The following SNRNP200 variants were observed in gnomAD, a reference collection of about 807,000 sequenced individuals.
The protein encoded by SNRNP200 is U5 small nuclear ribonucleoprotein 200 kDa helicase.
A neutral mutation model predicts 255.2 loss-of-function variants in SNRNP200; 66 were observed. The ratio of observed to expected loss-of-function variants is 0.26; its 90% CI spans 0.21 to 0.32. The LOEUF is 0.32. Ranked by LOEUF, SNRNP200 falls within the 10% of genes least tolerant of loss-of-function variation. The pLI is 1.00. For missense variants in SNRNP200, 1,585 were observed against 2,749.8 expected (o/e 0.58, Z 9.47); for synonymous variants, 939 against 1,027.8 (o/e 0.91, Z 1.65).
rs1363821623 is a variant in SNRNP200, at chr2:96,293,039, A to G, written c.2093T>C (p.Ile698Thr). The G allele has an allele frequency of 6.2e-7, 1 of 1,614,054 alleles. No individual in the cohort carries two copies. Residue 698 changes from isoleucine to threonine, a missense_variant, in exon 16 of 45, where the codon ATC (isoleucine) becomes ACC (threonine). Ile to Thr is a moderately conservative substitution (Grantham distance 89, BLOSUM62 -1). Around this residue, in one of 9 missense-constraint regions of SNRNP200, gnomAD observed 140 missense variants for 274.9 expected, o/e 0.51. Transcript: ENST00000323853. ...TTCATTCATGATCTGGAAACGCTTG[A>G]TAGCTTTTTTCTCTGTGATACCCAC... The part of the protein sequence containing the change: ...TYVGITEKKA[I>T]KRFQIMNEIV...
At position 96,287,787 on chromosome 2, in the gene SNRNP200, T is replaced by C; in HGVS notation, c.3365+76A>G. The C allele has an allele frequency of 7.8e-7, 1 of 1,273,918 alleles. No individual in the cohort carries two copies. Among genetic ancestry groups the C allele is most frequent in the African/African-American group, 1.5e-5 (1 of 68,210 alleles). 78.9% of individuals were successfully genotyped at this position (1,273,918 alleles called of 1,614,324 possible). On this transcript the variant is annotated intron_variant, in intron 25 of 44. Coordinates refer to ENST00000323853, the MANE Select transcript of SNRNP200 (RefSeq NM_014014.5). The surrounding 1 kb of genome is among the most constrained non-coding windows in gnomAD (Gnocchi z 5.7). ...TCAGGTCTGGAGATCAGATGCACCC[T>C]GAGGCTTTCCCATCAGACCCTTGGG... is the stretch of plus-strand genomic sequence containing the variant.
chr2:96,280,916 G>A (rs1475644060), intron 35 of SNRNP200, among the ~76,000 whole-genome samples: 6 of 134,528 alleles, frequency 4.5e-5, no homozygotes, highest in Non-Finnish European at 6.3e-5. Context: ...GCAATGGCGC[G>A]ATCTTGGCTC....
At position 96,287,245 on chromosome 2, in the gene SNRNP200, G is replaced by C. The variant is rs2063849823; in HGVS notation, c.3485-85C>G. Reference sequence around the variant, plus strand: ...GGCCTGAGGGCCACTGTGGGAAAGGGGTAGGGTCTTCCCTTTATGGTCAGT... The same window carrying C: ...GGCCTGAGGGCCACTGTGGGAAAGGCGTAGGGTCTTCCCTTTATGGTCAGT... On this transcript the variant is annotated intron_variant, in intron 26 of 44. Transcript: ENST00000323853. This position sits in a 1 kb window ranked among gnomAD's most constrained non-coding sequence, Gnocchi z 5.7. 4 of 1,532,626 alleles carry C rather than the reference G, an allele frequency of 2.6e-6. No homozygotes were observed. The Middle Eastern group carries it at 5.5e-4, about 211-fold the overall frequency. 94.9% of individuals were successfully genotyped at this position (1,532,626 alleles called of 1,614,324 possible). A position where few individuals can be genotyped will look rare whatever the true frequency, so the allele number is the denominator to read the frequency against.
Position 96,297,268 on chromosome 2 carries a change from A to C in SNRNP200, c.1377+95T>G. On this transcript the variant is annotated intron_variant, in intron 11 of 44. Coordinates refer to ENST00000323853, the MANE Select transcript of SNRNP200 (RefSeq NM_014014.5). ...TGTTGCAGCTTTCAGCCCTGAAATA[A>C]ACTATATATGAAACAAGGCTACATT... is the stretch of plus-strand genomic sequence containing the variant. 10 of 1,554,968 alleles carry C rather than the reference A, an allele frequency of 6.4e-6. No homozygotes were observed. The South Asian group carries it at 1.1e-4, about 18-fold the overall frequency.
At position 96,301,642 on chromosome 2, in the gene SNRNP200, T is replaced by C. The variant is rs1268384860; in HGVS notation, c.456A>G (p.Glu152=). The change falls in exon 4 of 45, where the codon GAA becomes GAG. Residue 152 remains glutamate (E), a synonymous_variant. Transcript: ENST00000323853. ...VLKNEKLRDK[E]RRKEIDLLLG... The stretch of plus-strand genomic sequence containing the variant: ...GCAGCAGGTCAATCTCCTTTCGCCT[T>C]TCCTTGTCCCGCAGCTTTTCATTCT... 6.2e-7 allele frequency: 1 copy of C among 1,614,086 alleles called. No individual in the cohort carries two copies. Among genetic ancestry groups the C allele is most frequent in the Non-Finnish European group, 8.5e-7 (1 of 1,180,042 alleles).
Position 96,281,816 on chromosome 2 carries a change from G to A in SNRNP200, c.5022C>T (p.His1674=), listed in dbSNP as rs139015042. ...CACAGAGCACCAGTTGTACTCACGC[G>A]TGGATCTTGCCATTGTAGTACTGGG... ...MDTQYYNGKI[H]AYVDYPIYDV... is the part of the protein sequence containing the mutation. The change falls in exon 35 of 45, where the codon CAC becomes CAT. Residue 1674 remains histidine, a splice_region_variant and synonymous_variant. Coordinates refer to ENST00000323853, the MANE Select transcript of SNRNP200 (RefSeq NM_014014.5). 380 of 1,609,506 alleles carry A rather than the reference G, an allele frequency of 2.4e-4. 2 individuals carry two copies. Among genetic ancestry groups the A allele is most frequent in the Middle Eastern group, 3.3e-4 (2 of 6,052 alleles).
Position 96,287,039 on chromosome 2 carries a change from C to A in SNRNP200, c.3606G>T (p.Leu1202=), listed in dbSNP as rs1399236639. The change falls in exon 27 of 45, where the codon CTG becomes CTT. Residue 1202 remains leucine, a synonymous_variant. Transcript: ENST00000323853. This position sits in a 1 kb window ranked among gnomAD's most constrained non-coding sequence, Gnocchi z 5.7. ...CCCACTGGAAGTCTGGCGTGATGGT[C>A]AGCTCCACCTTCAGGGTGGAGCGTG... ...PITRSTLKVE[L]TITPDFQWDE... 2 of 1,614,214 alleles carry A rather than the reference C, an allele frequency of 1.2e-6. No individual in the cohort carries two copies. Among genetic ancestry groups the A allele is most frequent in the Non-Finnish European group, 1.7e-6 (2 of 1,180,044 alleles).
intron 14 of SNRNP200, 41 bp downstream of exon 14, chr2:96,295,447 A>G: frequency 6.2e-7 from 1 of 1,611,264 alleles, no homozygotes; most frequent in Non-Finnish European, 8.5e-7. Flanking sequence ...ACCCGCCCTG[A>G]CACAACTGGA....
Position 96,281,902 on chromosome 2 carries a change from C to G in SNRNP200, c.4936G>C (p.Ala1646Pro), listed in dbSNP as rs1474461878. 1 of 1,613,834 alleles carries G rather than the reference C, an allele frequency of 6.2e-7. No individual in the cohort carries two copies. The highest frequency in any genetic ancestry group is 2.2e-5 in the East Asian group (1 of 44,892). Residue 1646 changes from alanine to proline, a missense_variant, in exon 35 of 45, where the codon GCT (alanine) becomes CCT (proline). Coordinates refer to ENST00000323853, the MANE Select transcript of SNRNP200 (RefSeq NM_014014.5). ...FSSGAIQVVVASRSLCWGMNV... is the reference protein window; with the variant it reads ...FSSGAIQVVVPSRSLCWGMNV... ...ATGCCCCAGCAGAGACTCCGAGAAGCCACCACCACCTGGATAGCCCCTGAG... is the reference window on the plus strand; with the variant it reads ...ATGCCCCAGCAGAGACTCCGAGAAGGCACCACCACCTGGATAGCCCCTGAG...
chr2:96,303,066 T>A, intron 3 of SNRNP200, 93 bp downstream of exon 3: 2 of 1,369,726 alleles, frequency 1.5e-6, no homozygotes, highest in Admixed American at 3.4e-5. Context: ...TACAAAAAGA[T>A]ACTTAGCACT....
At position 96,301,196 on chromosome 2, in the gene SNRNP200, TGA is replaced by T. The variant is rs561882438; in HGVS notation, c.575-145_575-144del. The T allele has an allele frequency of 1.7e-3, 1,349 of 774,164 alleles. 5 individuals are homozygous for T. Among genetic ancestry groups the T allele is most frequent in the Non-Finnish European group, 2.4e-3 (1,069 of 443,584 alleles). The allele number at this position is 774,164 out of a possible 1,614,324, so 48.0% of individuals were successfully genotyped here. Reference sequence around the variant, plus strand: ...CATACAGATACTTAGATGATCAACATGAGAGAGCCACCTATGCTGCTCCTGCC... The same window carrying T: ...CATACAGATACTTAGATGATCAACATGAGAGCCACCTATGCTGCTCCTGCC... On this transcript the variant is annotated intron_variant, in intron 4 of 44. Coordinates refer to ENST00000323853, the MANE Select transcript of SNRNP200 (RefSeq NM_014014.5).
Position 96,278,726 on chromosome 2 carries a change from G to A in SNRNP200, c.5324-15C>T, listed in dbSNP as rs1684711988. 6.2e-7 allele frequency: 1 copy of A among 1,614,228 alleles called. No homozygotes were observed. The highest frequency in any genetic ancestry group is 8.5e-7 in the Non-Finnish European group (1 of 1,180,048). On this transcript the variant is annotated splice_polypyrimidine_tract_variant and intron_variant, in intron 37 of 44. Coordinates refer to ENST00000323853, the MANE Select transcript of SNRNP200 (RefSeq NM_014014.5). This position sits in a 1 kb window ranked among gnomAD's most constrained non-coding sequence, Gnocchi z 6.9. ...ATGGGAGATGCCTATGGAGGCGAGA[G>A]GTGAGTGGGGAGCCTCAAGAAGATG...
In SNRNP200 at chr2:96,287,856, T is replaced by G. The variant is rs1342967005; in HGVS notation, c.3365+7A>C. 1 of 1,613,254 alleles carries G rather than the reference T, an allele frequency of 6.2e-7. No homozygotes were observed. The highest frequency in any genetic ancestry group is 8.5e-7 in the Non-Finnish European group (1 of 1,179,166). ...GGTGACCAGCATCCAGCTCACTGGG[T>G]CCTTACATGCGTTTGTCGATCATCT... On this transcript the variant is annotated splice_region_variant and intron_variant, in intron 25 of 44. Coordinates refer to ENST00000323853, the MANE Select transcript of SNRNP200 (RefSeq NM_014014.5). The surrounding 1 kb of genome is among the most constrained non-coding windows in gnomAD (Gnocchi z 5.7).
intron 35 of SNRNP200, among the ~76,000 whole-genome samples, chr2:96,280,092 G>GT (rs1354992177): frequency 6.6e-6 from 1 of 152,116 alleles, no homozygotes; most frequent in African/African-American, 2.4e-5. Context: ...TGTGTATTTC[G>GT]TGAGTCATCA....
Position 96,278,730 on chromosome 2 carries a change from A to G in SNRNP200, c.5324-19T>C, listed in dbSNP as rs1172697432. The G allele has an allele frequency of 6.2e-7, 1 of 1,614,204 alleles. No individual in the cohort carries two copies. Among genetic ancestry groups the G allele is most frequent in the African/African-American group, 1.3e-5 (1 of 75,048 alleles). ...GAGATGCCTATGGAGGCGAGAGGTGAGTGGGGAGCCTCAAGAAGATGCCCA... is the reference window on the plus strand; with the variant it reads ...GAGATGCCTATGGAGGCGAGAGGTGGGTGGGGAGCCTCAAGAAGATGCCCA... On this transcript the variant is annotated intron_variant, in intron 37 of 44. Transcript: ENST00000323853. This position sits in a 1 kb window ranked among gnomAD's most constrained non-coding sequence, Gnocchi z 6.9.
Position 96,277,103 on chromosome 2 carries a change from C to T in SNRNP200, c.6070G>A (p.Val2024Ile), listed in dbSNP as rs376585390. The change falls in exon 42 of 45, where the codon GTA becomes ATA. Residue 2024 changes from valine (V) to isoleucine (I), a missense_variant. Val to Ile is a conservative substitution (Grantham distance 29, BLOSUM62 3). Transcript: ENST00000323853. This position sits in a 1 kb window ranked among gnomAD's most constrained non-coding sequence, Gnocchi z 4.4. ...YPNIELSYEV[V>I]DKDSIRSGGP... ...CACCTGCGGATGCTGTCCTTATCTA[C>T]CACCTCATAAGATAGTTCGATATTA... 1.9e-6 allele frequency: 3 copies of T among 1,614,096 alleles called. No homozygotes were observed. Among genetic ancestry groups the T allele is most frequent in the African/African-American group, 1.3e-5 (1 of 74,940 alleles).
rs1684672554 is a variant in SNRNP200 at position 96,276,777 on chromosome 2, C to G, written c.6174+127G>C. The G allele has an allele frequency of 3.2e-6, 3 of 928,474 alleles. No homozygotes were observed. In the South Asian group the frequency reaches 3.9e-5, roughly 12 times the overall value. The allele number at this position is 928,474 out of a possible 1,614,324, so 57.5% of individuals were successfully genotyped here. ...AAACCCCATAGCCTCAAGATTAATT[C>G]TCACCCTTGTGAGCTGATTATCAGT... On this transcript the variant is annotated intron_variant, in intron 43 of 44. Transcript: ENST00000323853.
chr2:96,289,077 G>A lies in SNRNP200; in HGVS notation c.3134C>T (p.Pro1045Leu). The A allele has an allele frequency of 6.2e-7, 1 of 1,613,284 alleles. No homozygotes were observed. The highest frequency in any genetic ancestry group is 8.5e-7 in the Non-Finnish European group (1 of 1,179,700). Reference protein sequence around the residue: ...LELQKLLERVPIPVKESIEEP... With the variant: ...LELQKLLERVLIPVKESIEEP... The stretch of plus-strand genomic sequence containing the variant: ...CTCAATGCTCTCCTTTACAGGGATA[G>A]GCACCCTCTCCAGCAACTTCTGCAG... Residue 1045 changes from proline to leucine, a missense_variant, in exon 23 of 45, where the codon CCT becomes CTT. Physicochemically the swap from Pro to Leu is moderately conservative, Grantham distance 98. Coordinates refer to ENST00000323853, the MANE Select transcript of SNRNP200 (RefSeq NM_014014.5).
Position 96,283,074 on chromosome 2 carries a change from A to G in SNRNP200, c.4915+127T>C. On this transcript the variant is annotated intron_variant, in intron 34 of 44. Coordinates refer to ENST00000323853, the MANE Select transcript of SNRNP200 (RefSeq NM_014014.5). The surrounding 1 kb of genome is among the most constrained non-coding windows in gnomAD (Gnocchi z 4.7). ...AGGATCAAATGAGTTAACAGCCAAG[A>G]GTCCTAAACAGTATTTTGAAAATCT... 8.1e-7 allele frequency: 1 copy of G among 1,228,572 alleles called. No individual in the cohort carries two copies. The allele number at this position is 1,228,572 out of a possible 1,614,324, so 76.1% of individuals were successfully genotyped here.
Sources: allele counts gnomAD v4.1 joint callset (sites outside exome capture counted in the v4.1 genomes callset), GRCh38; gene constraint gnomAD v4.1.1; regional missense constraint gnomAD v4.1.1; non-coding constraint Gnocchi (gnomAD v3.1); transcripts MANE v1.5; gene names NCBI Gene and HGNC (gene_info 2026-07-23, HGNC 2026-07-21).